The following ANKDD1B variants were observed in gnomAD, a reference collection of about 807,000 sequenced individuals.
ANKDD1B encodes the protein ankyrin repeat and death domain-containing protein 1B.
Under a neutral mutation model 59.7 loss-of-function variants are expected in ANKDD1B, and 57 were observed. That is an observed-to-expected ratio of 0.95 (90% CI 0.77 to 1.19). ANKDD1B has a LOEUF of 1.19. Among genes scored for constraint, ANKDD1B ranks in the 50% most tolerant of loss-of-function variants. The pLI, the probability that ANKDD1B is intolerant of heterozygous loss-of-function variation, is 0.00. For synonymous variants in ANKDD1B, 216 were observed against 239.5 expected (o/e 0.90, Z 0.91); for missense variants, 602 against 641.9 (o/e 0.94, Z 0.67).
intron 2 of ANKDD1B, 95 bp downstream of exon 2, chr5:75,617,002 G>T: frequency 6.6e-6 from 4 of 605,142 alleles, no homozygotes; most frequent in South Asian, 2.6e-5. Flanking sequence ...AAAAATCATG[G>T]TGCTGGCTGA....
chr5:75,628,879 T>C (rs1774066722), intron 5 of ANKDD1B, among the ~76,000 whole-genome samples: 1 of 152,152 alleles, frequency 6.6e-6, no homozygotes, highest in Non-Finnish European at 1.5e-5. Flanking sequence ...CATGTAAATG[T>C]CCATCTGGTG....
chr5:75,628,431 A>C (rs1327031887), intron 5 of ANKDD1B, among the ~76,000 whole-genome samples: 2 of 152,216 alleles, frequency 1.3e-5, no homozygotes, highest in African/African-American at 4.8e-5. Flanking sequence ...GCCAGTTGCA[A>C]CTGGGATCAG....
chr5:75,648,219 A>T (rs1475966857), intron 7 of ANKDD1B, among the ~76,000 whole-genome samples: 8 of 120,938 alleles, frequency 6.6e-5, no homozygotes, highest in African/African-American at 1.3e-4. Flanking sequence ...AACCTGCACA[A>T]TGTGCACATG....
chr5:75,649,474 A>C (rs947140665), intron 7 of ANKDD1B, among the ~76,000 whole-genome samples: 1 of 152,090 alleles, frequency 6.6e-6, no homozygotes, highest in African/African-American at 2.4e-5. Flanking sequence ...GGAACCAATA[A>C]TTTTTTTATG....
intron 12 of ANKDD1B, among the ~76,000 whole-genome samples, chr5:75,667,536 G>T (rs1372546354): frequency 1.3e-5 from 2 of 152,170 alleles, no homozygotes; most frequent in Non-Finnish European, 2.9e-5. Flanking sequence ...GGCAAATACA[G>T]ACTCAGAGGG....
rs753453717 is a variant in ANKDD1B, at chr5:75,625,863, G to A, written c.508G>A (p.Ala170Thr). Residue 170 changes from alanine (A) to threonine (T), a missense_variant, in exon 5 of 14, where the codon GCC becomes ACC. By Grantham distance (58) the Ala-to-Thr change is moderately conservative. Coordinates refer to ENST00000601380, the MANE Select transcript of ANKDD1B (RefSeq NM_001276713.2). ...QRAKNQDGMS[A>T]LHFATQSNHV... ...TGGTTCTCTTCAGGATGGAATGAGC[G>A]CCCTCCACTTTGCCACTCAGAGCAA... is the stretch of plus-strand genomic sequence containing the variant. The A allele has an allele frequency of 3.4e-5, 52 of 1,536,020 alleles. No individual in the cohort carries two copies. The highest frequency in any genetic ancestry group is 5.9e-5 in the South Asian group (5 of 84,058).
intron 7 of ANKDD1B, among the ~76,000 whole-genome samples, chr5:75,641,579 C>T (rs1042274952): frequency 2.6e-5 from 4 of 152,122 alleles, no homozygotes; most frequent in African/African-American, 9.7e-5. Flanking sequence ...AACAGTAGCA[C>T]AGTATATAAT....
intron 7 of ANKDD1B, among the ~76,000 whole-genome samples, chr5:75,637,224 G>A (rs1484164524): frequency 8.8e-6 from 1 of 113,098 alleles, no homozygotes; most frequent in African/African-American, 3.4e-5. Flanking sequence ...GAGCCTGGGC[G>A]ACAGAGACTC....
intron 7 of ANKDD1B, among the ~76,000 whole-genome samples, chr5:75,637,954 A>G (rs1011349827): frequency 3.3e-5 from 5 of 152,218 alleles, no homozygotes; most frequent in Non-Finnish European, 7.3e-5. Context: ...AATGTAATGC[A>G]TGTGCTCAAA....
At chr5:75,659,208 C>A in intron 9 of ANKDD1B, 75 bp from the exon 10 acceptor site, 2 of 1,060,774 alleles carry the variant, frequency 1.9e-6, no homozygotes, top group Non-Finnish European at 2.8e-6. Context: ...TTCCCTTGAA[C>A]CTAAATAGGA....
chr5:75,665,863 C>T (rs1297820876), intron 11 of ANKDD1B, among the ~76,000 whole-genome samples: 1 of 152,092 alleles, frequency 6.6e-6, no homozygotes, highest in Non-Finnish European at 1.5e-5. Flanking sequence ...GGATTCCCAT[C>T]TTGTTGTCAA....
chr5:75,666,940 G>A lies in ANKDD1B; in HGVS notation c.1340G>A (p.Arg447His), dbSNP rs886751984. Residue 447 changes from arginine (R) to histidine (H), a missense_variant, in exon 12 of 14, where the codon CGT becomes CAT. Arg to His is a conservative substitution (Grantham distance 29). This residue lies in a region of ANKDD1B where 280 missense variants were observed against 319.8 expected (regional missense o/e 0.88). Transcript: ENST00000601380. ...GCCAATGAGTGGCAGAGGCTGGCCC[G>A]TTCGTGGAACTTTACAGATGACCAG... Reference protein sequence around the residue: ...LKANEWQRLARSWNFTDDQIR... With the variant: ...LKANEWQRLAHSWNFTDDQIR... 7.1e-5 allele frequency: 108 copies of A among 1,519,372 alleles called. No individual in the cohort carries two copies. The highest frequency in any genetic ancestry group is 8.0e-5 in the Non-Finnish European group (91 of 1,139,512). 94.1% of individuals were successfully genotyped at this position (1,519,372 alleles called of 1,614,324 possible).
chr5:75,648,266 T>TAAAAAAAAAAAAA (rs1774702737), intron 7 of ANKDD1B, among the ~76,000 whole-genome samples: 12 of 8,548 alleles, frequency 1.4e-3, no homozygotes, highest in African/African-American at 2.7e-3. Flanking sequence ...AAAAAAAAAA[T>TAAAAAAAAAAAAA]TAAAAAAAAA....
intron 8 of ANKDD1B, among the ~76,000 whole-genome samples, chr5:75,654,114 CAT>C (rs1331906445): frequency 6.6e-6 from 1 of 152,234 alleles, no homozygotes; most frequent in Non-Finnish European, 1.5e-5. Flanking sequence ...CTGCTCACAT[CAT>C]CTGTCTGCTC....
At chr5:75,648,802 T>G (rs1446277659) in intron 7 of ANKDD1B, among the ~76,000 whole-genome samples, 1 of 152,214 alleles carries the variant, frequency 6.6e-6, no homozygotes, top group East Asian at 1.9e-4. Context: ...CGGGATGGGT[T>G]GGACTTTGGT....
At chr5:75,649,315 T>C (rs1774757748) in intron 7 of ANKDD1B, among the ~76,000 whole-genome samples, 1 of 151,966 alleles carries the variant, frequency 6.6e-6, no homozygotes, top group Non-Finnish European at 1.5e-5. Flanking sequence ...GTGTGCATAA[T>C]TGGGAATTTG....
chr5:75,642,285 A>C (rs1774490782), intron 7 of ANKDD1B, among the ~76,000 whole-genome samples: 1 of 152,074 alleles, frequency 6.6e-6, no homozygotes, highest in Non-Finnish European at 1.5e-5. Flanking sequence ...TACAGCTCCC[A>C]GCGTGAGCGA....
At chr5:75,613,306 A>G (rs1429611047) in intron 1 of ANKDD1B, among the ~76,000 whole-genome samples, 1 of 152,222 alleles carries the variant, frequency 6.6e-6, no homozygotes, top group African/African-American at 2.4e-5. Flanking sequence ...GTATTATGGC[A>G]TCTCAGTATT....
intron 12 of ANKDD1B, 116 bp from the exon 13 acceptor site, chr5:75,669,136 C>T (rs940698151): frequency 3.7e-5 from 40 of 1,084,116 alleles, no homozygotes; most frequent in African/African-American, 2.9e-4. Flanking sequence ...GGGCTTTTTT[C>T]GAAGAGGAAC....
Sources: gnomAD v4.1 joint callset for allele counts (sites outside exome capture counted in the v4.1 genomes callset) on GRCh38, gnomAD v4.1.1 for gene constraint, gnomAD v4.1.1 regional missense constraint, MANE v1.5 for transcripts, NCBI Gene and HGNC (gene_info 2026-07-23, HGNC 2026-07-21) for gene names.